SORCS1: variants seen among roughly 807,000 people sequenced by gnomAD.
The protein encoded by SORCS1 is VPS10 domain-containing receptor SorCS1.
SORCS1 carries 60 observed loss-of-function variants against 146.1 expected under a neutral mutation model. The ratio of observed to expected loss-of-function variants is 0.41; its 90% CI spans 0.33 to 0.51. The LOEUF (loss-of-function observed/expected upper bound fraction) is 0.51. SORCS1 is among the 20% of genes least tolerant of loss of function. The pLI, the probability that SORCS1 is intolerant of heterozygous loss-of-function variation, is 0.21. For synonymous variants in SORCS1, 637 were observed against 584.0 expected (o/e 1.09, Z -1.31); for missense variants, 1,352 against 1,487.6 (o/e 0.91, Z 1.50).
intron 2 of SORCS1, among the ~76,000 whole-genome samples, chr10:106,929,256 T>C (rs954072694): frequency 3.3e-5 from 5 of 152,308 alleles, no homozygotes; most frequent in Non-Finnish European, 5.9e-5. Context: ...CCCTTAGAAA[T>C]TGTGCATTAC....
chr10:106,889,640 C>T (rs1951145065), intron 2 of SORCS1, among the ~76,000 whole-genome samples: 1 of 152,060 alleles, frequency 6.6e-6, no homozygotes, highest in South Asian at 2.1e-4. Flanking sequence ...TGGCTCACAC[C>T]TGTAATCCCA....
intron 3 of SORCS1, among the ~76,000 whole-genome samples, chr10:106,829,283 G>A (rs1948434906): frequency 6.6e-6 from 1 of 152,148 alleles, no homozygotes; most frequent in African/African-American, 2.4e-5. Context: ...TGATTGACTG[G>A]TCAGAACTCT....
Position 107,060,457 on chromosome 10 carries a change from G to C in SORCS1, c.558+103512C>G, listed in dbSNP as rs142003489. Among the ~76,000 whole-genome samples, 1 of 151,476 alleles carries C rather than the reference G, an allele frequency of 6.6e-6. No homozygotes were observed. The highest frequency in any genetic ancestry group is 2.4e-5 in the African/African-American group (1 of 40,854). On this transcript the variant is annotated intron_variant, in intron 1 of 25. Coordinates refer to ENST00000263054, the MANE Select transcript of SORCS1 (RefSeq NM_052918.5). This position sits in a 1 kb window ranked among gnomAD's most constrained non-coding sequence, Gnocchi z 4.1. ...TCATGTACTTAGTGAAGCCTCAGAC[G>C]TAGCAAACCTAAAAATGGAAGCTGC...
At chr10:107,054,948 G>T (rs2134074334) in intron 1 of SORCS1, among the ~76,000 whole-genome samples, 2 of 152,266 alleles carry the variant, frequency 1.3e-5, no homozygotes, top group South Asian at 2.1e-4. Flanking sequence ...ATAAGTGTTG[G>T]CCACTCTTAT....
intron 3 of SORCS1, among the ~76,000 whole-genome samples, chr10:106,828,247 G>C (rs1353190332): frequency 6.6e-6 from 1 of 152,146 alleles, no homozygotes; most frequent in Non-Finnish European, 1.5e-5. Flanking sequence ...CAACTGAAAA[G>C]TTATGCTGTT....
chr10:106,863,709 T>G (rs1483594261), intron 2 of SORCS1, among the ~76,000 whole-genome samples: 2 of 151,368 alleles, frequency 1.3e-5, no homozygotes, highest in East Asian at 3.9e-4. Context: ...ATGGTAGAGC[T>G]GACAGAGGGT....
intron 1 of SORCS1, among the ~76,000 whole-genome samples, chr10:107,067,053 T>G (rs1161803108): frequency 6.6e-6 from 1 of 152,142 alleles, no homozygotes; most frequent in Non-Finnish European, 1.5e-5. Flanking sequence ...ACAGTTTATT[T>G]GAAAGGTAGC....
chr10:106,637,572 G>A (rs1848802196), intron 18 of SORCS1, among the ~76,000 whole-genome samples: 1 of 152,146 alleles, frequency 6.6e-6, no homozygotes, highest in African/African-American at 2.4e-5. Context: ...CTGACCTGGG[G>A]GATGAAGAGT....
At chr10:107,137,735 G>A (rs1967441906) in intron 1 of SORCS1, among the ~76,000 whole-genome samples, 1 of 152,026 alleles carries the variant, frequency 6.6e-6, no homozygotes, top group South Asian at 2.1e-4. Flanking sequence ...GGTGGCACAT[G>A]CCTGTAATCC....
intron 2 of SORCS1, among the ~76,000 whole-genome samples, chr10:106,939,246 G>A (rs959576735): frequency 2.0e-5 from 3 of 152,200 alleles, no homozygotes; most frequent in Non-Finnish European, 2.9e-5. Context: ...TGCAGGCATG[G>A]CTAATCCAAG....
chr10:106,659,036 A>C (rs1200455348), intron 17 of SORCS1, among the ~76,000 whole-genome samples: 1 of 152,184 alleles, frequency 6.6e-6, no homozygotes, highest in African/African-American at 2.4e-5. Context: ...CTGGGATCCC[A>C]TGTGACAAAG....
chr10:107,046,356 G>A (rs908244249), intron 1 of SORCS1, among the ~76,000 whole-genome samples: 6 of 152,050 alleles, frequency 3.9e-5, no homozygotes, highest in African/African-American at 1.4e-4. Context: ...ACAGGCATGA[G>A]CGACTGTATG....
intron 1 of SORCS1, among the ~76,000 whole-genome samples, chr10:107,154,008 C>CTTTTCTT (rs1969060505): frequency 1.1e-5 from 1 of 94,036 alleles, no homozygotes; most frequent in African/African-American, 4.1e-5. Flanking sequence ...CTTTTCTTTT[C>CTTTTCTT]TTTTTTTTTT....
chr10:106,982,213 T>C (rs1406157205), intron 1 of SORCS1, among the ~76,000 whole-genome samples: 4 of 152,202 alleles, frequency 2.6e-5, no homozygotes, highest in East Asian at 1.9e-4. Context: ...AAAGAAAATA[T>C]AATCTTTAGA....
At chr10:106,606,869 T>A (rs1243534558) in intron 23 of SORCS1, among the ~76,000 whole-genome samples, 1 of 152,206 alleles carries the variant, frequency 6.6e-6, no homozygotes, top group Admixed American at 6.5e-5. Flanking sequence ...GCTGCCACCA[T>A]GTGAAGAAGG....
intron 2 of SORCS1, among the ~76,000 whole-genome samples, chr10:106,920,158 A>G (rs1413417694): frequency 6.6e-6 from 1 of 152,178 alleles, no homozygotes; most frequent in Non-Finnish European, 1.5e-5. Flanking sequence ...CCCAATGAAG[A>G]GAAATGCAGA....
intron 3 of SORCS1, among the ~76,000 whole-genome samples, chr10:106,793,077 C>T (rs924973009): frequency 6.6e-6 from 1 of 152,134 alleles, no homozygotes; most frequent in Non-Finnish European, 1.5e-5. Flanking sequence ...CACTAAATGC[C>T]TTATTACAAC....
chr10:106,955,741 T>C (rs1425310418), intron 2 of SORCS1, among the ~76,000 whole-genome samples: 2 of 151,984 alleles, frequency 1.3e-5, no homozygotes, highest in African/African-American at 4.8e-5. Flanking sequence ...AATCCCAGCA[T>C]TTTGGGATGC....
intron 5 of SORCS1, among the ~76,000 whole-genome samples, chr10:106,742,054 T>A (rs1340122547): frequency 1.3e-5 from 2 of 152,140 alleles, no homozygotes; most frequent in African/African-American, 4.8e-5. Context: ...CTCAAATACT[T>A]CAACTGAGAA....
Sources: gnomAD v4.1 joint callset for allele counts (sites outside exome capture counted in the v4.1 genomes callset) on GRCh38, gnomAD v4.1.1 for gene constraint, Gnocchi (gnomAD v3.1) non-coding constraint, MANE v1.5 for transcripts, NCBI Gene and HGNC (gene_info 2026-07-23, HGNC 2026-07-21) for gene names.